Variants in MCRIP2 observed in about 807,000 individuals in gnomAD.
MCRIP2 encodes the protein MAPK regulated co-repressor interacting protein 2.
In MCRIP2, 21 loss-of-function variants were observed where a neutral mutation model predicts 23.2. The ratio of observed to expected loss-of-function variants is 0.90; its 90% CI spans 0.64 to 1.30. The LOEUF (loss-of-function observed/expected upper bound fraction) is 1.30, where lower values mean the gene tolerates loss of function less well. Among genes scored for constraint, MCRIP2 ranks in the 50% most tolerant of loss-of-function variants. The pLI is 0.00. For synonymous variants in MCRIP2, 121 were observed against 100.2 expected (o/e 1.21, Z -1.24); for missense variants, 234 against 223.2 (o/e 1.05, Z -0.31).
At chr16:644,475 G>A (rs2037428812) in intron 2 of MCRIP2, among the ~76,000 whole-genome samples, 1 of 151,974 alleles carries the variant, frequency 6.6e-6, no homozygotes. Context: ...ACAAGGTCTT[G>A]CTCTGTCACC....
intron 2 of MCRIP2, 189 bp from the exon 3 acceptor site, chr16:647,228 T>C: frequency 1.5e-6 from 1 of 674,832 alleles, no homozygotes; most frequent in Non-Finnish European, 2.5e-6. Flanking sequence ...GAGCTGCCGA[T>C]GGCTTGGGGA....
chr16:642,238 G>A lies in MCRIP2; in HGVS notation c.171G>A (p.Trp57Ter). Residue 57 changes from tryptophan (W) to a stop codon, truncating the protein, a stop_gained, in exon 2 of 5, where the codon TGG (tryptophan) becomes TGA (stop). Coordinates refer to ENST00000307650, the MANE Select transcript of MCRIP2 (RefSeq NM_138418.4). LOFTEE classifies it high-confidence loss of function. ...CCTTTGCGCAGCCGCCGGGACCCTG[G>A]CCCCTGTCGAGGTGAGACGCGCGCG... ...AQPFAQPPGP[W>*]PLSSPGPRLV... is the part of the protein sequence containing the mutation. 4.1e-6 allele frequency: 5 copies of A among 1,211,314 alleles called. No individual in the cohort carries two copies. The highest frequency in any genetic ancestry group is 1.6e-5 in the African/African-American group (1 of 62,722). The allele number at this position is 1,211,314 out of a possible 1,614,324, so 75.0% of individuals were successfully genotyped here.
In MCRIP2 at chr16:642,178, C is replaced by A; in HGVS notation, c.111C>A (p.Pro37=). 7.4e-7 allele frequency: 1 copy of A among 1,343,200 alleles called. No individual in the cohort carries two copies. Among genetic ancestry groups the A allele is most frequent in the Non-Finnish European group, 9.6e-7 (1 of 1,043,138 alleles). 83.2% of individuals were successfully genotyped at this position (1,343,200 alleles called of 1,614,324 possible). The change falls in exon 2 of 5, where the codon CCC becomes CCA. Residue 37 remains proline, a synonymous_variant. Coordinates refer to ENST00000307650, the MANE Select transcript of MCRIP2 (RefSeq NM_138418.4). ...RLGELLKCRQ[P]APPTSQPPRA... Reference sequence around the variant, plus strand: ...GCGAGCTCCTGAAATGCCGGCAGCCCGCGCCGCCGACCTCGCAGCCCCCGC... The same window carrying A: ...GCGAGCTCCTGAAATGCCGGCAGCCAGCGCCGCCGACCTCGCAGCCCCCGC...
intron 2 of MCRIP2, among the ~76,000 whole-genome samples, chr16:643,765 C>G (rs1024871555): frequency 6.6e-6 from 1 of 152,104 alleles, no homozygotes; most frequent in Non-Finnish European, 1.5e-5. Flanking sequence ...ATCTCCTGAC[C>G]TCATGATCCA....
Position 647,847 on chromosome 16 carries a change from G to A in MCRIP2, c.375G>A (p.Val125=). 6.3e-7 allele frequency: 1 copy of A among 1,575,236 alleles called. No individual in the cohort carries two copies. Among genetic ancestry groups the A allele is most frequent in the East Asian group, 2.3e-5 (1 of 42,940 alleles). ...GPAGEGGPRP[V]QYVERTPNPR... ...CCGGTGAGGGCGGGCCAAGGCCTGTGCAGTACGTGGAGAGGACCCCCAATC... is the reference window on the plus strand; with the variant it reads ...CCGGTGAGGGCGGGCCAAGGCCTGTACAGTACGTGGAGAGGACCCCCAATC... The change falls in exon 4 of 5, where the codon GTG becomes GTA. Residue 125 remains valine (V), a synonymous_variant. Coordinates refer to ENST00000307650, the MANE Select transcript of MCRIP2 (RefSeq NM_138418.4).
At chr16:644,147 TCTCCGCTCACCGCAAC>T (rs1302182432) in intron 2 of MCRIP2, among the ~76,000 whole-genome samples, 16 of 152,038 alleles carry the variant, frequency 1.1e-4, no homozygotes, top group Non-Finnish European at 2.1e-4. Context: ...AATGGCAGGA[TCTCCGCTCACCGCAAC>T]CTCTGCCTCC....
At chr16:648,084 G>A in intron 4 of MCRIP2, 36 bp from the exon 5 acceptor site, 1 of 1,560,614 alleles carries the variant, frequency 6.4e-7, no homozygotes, top group Non-Finnish European at 8.7e-7. Context: ...GCTGGCCTGG[G>A]AGGCAGCATC....
intron 2 of MCRIP2, among the ~76,000 whole-genome samples, chr16:644,187 T>C (rs2037419712): frequency 1.3e-5 from 2 of 152,194 alleles, no homozygotes; most frequent in South Asian, 4.1e-4. Context: ...GTTCAAGCGA[T>C]CCTCCTGCCT....
In MCRIP2 at chr16:647,907, C is replaced by G. The variant is rs766801904; in HGVS notation, c.412+23C>G. The G allele has an allele frequency of 1.8e-5, 25 of 1,394,486 alleles. 1 individual carries two copies. In the South Asian group the frequency reaches 3.0e-4, roughly 17 times the overall value. The allele number at this position is 1,394,486 out of a possible 1,614,324, so 86.4% of individuals were successfully genotyped here. ...AGAGTGAGCCCCCCAACCCTGTCCC[C>G]CCAGGAGAGACCCCCCAGCCCCTCT... On this transcript the variant is annotated intron_variant, in intron 4 of 4. Coordinates refer to ENST00000307650, the MANE Select transcript of MCRIP2 (RefSeq NM_138418.4).
At chr16:644,405 C>T (rs1395412981) in intron 2 of MCRIP2, among the ~76,000 whole-genome samples, 3 of 152,088 alleles carry the variant, frequency 2.0e-5, no homozygotes, top group Admixed American at 6.5e-5. Context: ...TGAACCACCC[C>T]ACCCCATGCT....
In MCRIP2 at chr16:648,448, C is replaced by G; in HGVS notation, c.*258C>G. ...CCCCTGGGGCTGGCAGGGAGGAGCT[C>G]CAGGCTAATAAAGTGGAGAAACTGT... On this transcript the variant is annotated 3_prime_UTR_variant, in exon 5 of 5. Transcript: ENST00000307650. The G allele has an allele frequency of 1.8e-6, 1 of 551,894 alleles. No homozygotes were observed. The highest frequency in any genetic ancestry group is 3.2e-6 in the Non-Finnish European group (1 of 308,436). The allele number at this position is 551,894 out of a possible 1,614,324, so 34.2% of individuals were successfully genotyped here. A position where few individuals can be genotyped will look rare whatever the true frequency, so the allele number is the denominator to read the frequency against.
In MCRIP2 at chr16:648,187, C is replaced by T; in HGVS notation, c.480C>T (p.Ser160=). ...TCCTGGCGAGAATCACCAGCTGTTC[C>T]TAGTGGCTGCTGGGAGGGGGCGCTG... ...QQFLARITSC[S] is the part of the protein sequence containing the mutation. The change falls in exon 5 of 5, where the codon TCC becomes TCT. Residue 160 remains serine (S), a synonymous_variant. Transcript: ENST00000307650. The T allele has an allele frequency of 1.2e-6, 2 of 1,608,668 alleles. No individual in the cohort carries two copies. The highest frequency in any genetic ancestry group is 2.2e-5 in the South Asian group (2 of 90,226).
Position 648,233 on chromosome 16 carries a change from C to T in MCRIP2, c.*43C>T. 1 of 1,570,540 alleles carries T rather than the reference C, an allele frequency of 6.4e-7. No homozygotes were observed. The highest frequency in any genetic ancestry group is 8.7e-7 in the Non-Finnish European group (1 of 1,154,470). ...CGCTGCTACACGGCCGACCTGTCGC[C>T]AGGAGAGAAGCATGGCGCCCTGCCC... is the stretch of plus-strand genomic sequence containing the variant. On this transcript the variant is annotated 3_prime_UTR_variant, in exon 5 of 5. Coordinates refer to ENST00000307650, the MANE Select transcript of MCRIP2 (RefSeq NM_138418.4).
In MCRIP2 at chr16:641,921, C is replaced by A. The variant is rs1030503125; in HGVS notation, c.-71C>A. 6.4e-6 allele frequency: 8 copies of A among 1,241,548 alleles called. No homozygotes were observed. Among genetic ancestry groups the A allele is most frequent in the Admixed American group, 8.6e-5 (2 of 23,212 alleles). The allele number at this position is 1,241,548 out of a possible 1,614,324, so 76.9% of individuals were successfully genotyped here. On this transcript the variant is annotated 5_prime_UTR_variant, in exon 1 of 5. Coordinates refer to ENST00000307650, the MANE Select transcript of MCRIP2 (RefSeq NM_138418.4). ...CCCCCTCCCCGCGGCGCCCGCAGTC[C>A]GTTAAGTGCGAGCCCCGGCGCAGGG...
intron 2 of MCRIP2, among the ~76,000 whole-genome samples, chr16:643,983 C>T (rs528947853): frequency 6.6e-6 from 1 of 152,294 alleles, no homozygotes; most frequent in African/African-American, 2.4e-5. Flanking sequence ...ACCCACCTTC[C>T]CACCCCCAGG....
In MCRIP2 at chr16:648,225, C is replaced by A. The variant is rs376900432; in HGVS notation, c.*35C>A. On this transcript the variant is annotated 3_prime_UTR_variant, in exon 5 of 5. Transcript: ENST00000307650. ...GGAGGGGGCGCTGCTACACGGCCGA[C>A]CTGTCGCCAGGAGAGAAGCATGGCG... 34 of 1,583,112 alleles carry A rather than the reference C, an allele frequency of 2.1e-5. No homozygotes were observed. In the African/African-American group the frequency reaches 4.2e-4, roughly 19 times the overall value.
chr16:641,844 C>G lies in MCRIP2; in HGVS notation c.-148C>G. On this transcript the variant is annotated 5_prime_UTR_variant, in exon 1 of 5. Transcript: ENST00000307650. ...GCCGCCTCCGCCGCGTGTCCGGGGT[C>G]AGCCCGAGCCCGTGCGGGCCCTTTA... is the stretch of plus-strand genomic sequence containing the variant. 1 of 674,870 alleles carries G rather than the reference C, an allele frequency of 1.5e-6. No homozygotes were observed. Among genetic ancestry groups the G allele is most frequent in the Non-Finnish European group, 2.1e-6 (1 of 487,226 alleles). The allele number at this position is 674,870 out of a possible 1,614,324, so 41.8% of individuals were successfully genotyped here.
intron 2 of MCRIP2, among the ~76,000 whole-genome samples, chr16:644,503 G>A (rs1024046667): frequency 4.6e-5 from 7 of 152,070 alleles, no homozygotes; most frequent in Non-Finnish European, 1.0e-4. Context: ...GGGTGCAGTG[G>A]TGCAATCATG....
At chr16:647,394 G>T in intron 2 of MCRIP2, 23 bp from the exon 3 acceptor site, 1 of 1,611,496 alleles carries the variant, frequency 6.2e-7, no homozygotes, top group Non-Finnish European at 8.5e-7. Flanking sequence ...CACCAACCAT[G>T]TCCGTCTCCT....
Sources: gnomAD v4.1 joint callset for allele counts (sites outside exome capture counted in the v4.1 genomes callset) on GRCh38, gnomAD v4.1.1 for gene constraint, MANE v1.5 for transcripts, NCBI Gene and HGNC (gene_info 2026-07-23, HGNC 2026-07-21) for gene names.